ELOVL7: variants seen among roughly 807,000 people sequenced by gnomAD.
ELOVL7 encodes the protein ELOVL fatty acid elongase 7, also known as very long chain fatty acid elongase 7.
Under a neutral mutation model 35.7 loss-of-function variants are expected in ELOVL7, and 27 were observed. That is an observed-to-expected ratio of 0.76 (90% CI 0.56 to 1.04). The LOEUF (loss-of-function observed/expected upper bound fraction) is 1.04. Among genes scored for constraint, ELOVL7 ranks in the 50% least tolerant of loss-of-function variants. ELOVL7 has a pLI of 0.00. For synonymous variants in ELOVL7, 113 were observed against 114.6 expected, an observed-to-expected ratio of 0.99 and a Z score of 0.09; for missense variants, 327 against 340.8, an observed-to-expected ratio of 0.96 and a Z score of 0.32.
At chr5:60,763,624 A>C (rs988308019) in intron 7 of ELOVL7, among the ~76,000 whole-genome samples, 2 of 152,204 alleles carry the variant, frequency 1.3e-5, no homozygotes, top group African/African-American at 4.8e-5. Context: ...TGATGTTCAG[A>C]AGCCTAAAAC....
In ELOVL7 at chr5:60,757,636, C is replaced by G; in HGVS notation, c.509G>C (p.Gly170Ala). Residue 170 changes from glycine to alanine, a missense_variant, in exon 8 of 9, where the codon GGA becomes GCA. By Grantham distance (60) the Gly-to-Ala change is moderately conservative. Coordinates refer to ENST00000508821, the MANE Select transcript of ELOVL7 (RefSeq NM_024930.3). ...FGVKFAAGGL[G>A]TFHALLNTAV... ...TGTATTTAGAAGGGCATGGAATGTTCCCAAACCACCTGGAAAATAAAATTA... is the reference window on the plus strand; with the variant it reads ...TGTATTTAGAAGGGCATGGAATGTTGCCAAACCACCTGGAAAATAAAATTA... 2 of 1,549,936 alleles carry G rather than the reference C, an allele frequency of 1.3e-6. No homozygotes were observed. Among genetic ancestry groups the G allele is most frequent in the Non-Finnish European group, 1.8e-6 (2 of 1,140,142 alleles).
chr5:60,816,213 C>T (rs1233811766), intron 1 of ELOVL7, among the ~76,000 whole-genome samples: 1 of 152,046 alleles, frequency 6.6e-6, no homozygotes, highest in Non-Finnish European at 1.5e-5. Flanking sequence ...ATCCCCATCT[C>T]TACTAAAAGT....
At chr5:60,801,891 G>C (rs1237051884) in intron 1 of ELOVL7, among the ~76,000 whole-genome samples, 1 of 151,560 alleles carries the variant, frequency 6.6e-6, no homozygotes, top group Admixed American at 6.6e-5. Context: ...GCCTCTCAGG[G>C]GCTCTCAGGC....
rs1174383236 is a variant in ELOVL7, at chr5:60,754,783, C to T, written c.687G>A (p.Glu229=). 23 of 1,614,084 alleles carry T rather than the reference C, an allele frequency of 1.4e-5. No individual in the cohort carries two copies. Among genetic ancestry groups the T allele is most frequent in the Non-Finnish European group, 1.9e-5 (23 of 1,180,008 alleles). Residue 229 remains glutamate (E), a synonymous_variant, in exon 9 of 9, where the codon GAG becomes GAA. Transcript: ENST00000508821. ...AGACTGGAAACTGATACTTGCAATC[C>T]TCCATGAAAAAGAACTGGCTTATGT... ...AIHISQFFFM[E]DCKYQFPVFA...
intron 6 of ELOVL7, 30 bp downstream of exon 6, chr5:60,766,544 A>G (rs1561425262): frequency 6.4e-7 from 1 of 1,556,948 alleles, no homozygotes; most frequent in East Asian, 2.3e-5. Flanking sequence ...AAGATCAAAC[A>G]TTTACCAAAT....
chr5:60,838,811 G>A (rs139392063), intron 1 of ELOVL7, among the ~76,000 whole-genome samples: 12,383 of 151,780 alleles, frequency 0.082, 540 homozygotes, highest in Middle Eastern at 0.097. Flanking sequence ...ATCACCTGAG[G>A]TCAGGAATTC....
chr5:60,798,331 C>T (rs932083096), intron 2 of ELOVL7, among the ~76,000 whole-genome samples: 65 of 152,094 alleles, frequency 4.3e-4, no homozygotes, highest in African/African-American at 1.4e-3. Context: ...TCTGCAAGCA[C>T]AAGTGGTCAA....
At chr5:60,759,632 GT>G (rs968668512) in intron 7 of ELOVL7, among the ~76,000 whole-genome samples, 58 of 149,522 alleles carry the variant, frequency 3.9e-4, no homozygotes, top group African/African-American at 1.3e-3. Flanking sequence ...TTTGTCTAAA[GT>G]TTTTTTTATT....
intron 1 of ELOVL7, among the ~76,000 whole-genome samples, chr5:60,801,802 G>A (rs976833302): frequency 2.0e-5 from 3 of 151,998 alleles, no homozygotes; most frequent in African/African-American, 4.8e-5. Context: ...CTTGCAGGAC[G>A]CTTACTCCAT....
intron 1 of ELOVL7, among the ~76,000 whole-genome samples, chr5:60,815,680 G>C (rs747350035): frequency 6.6e-6 from 1 of 152,088 alleles, no homozygotes; most frequent in Non-Finnish European, 1.5e-5. Flanking sequence ...CAATTCTCCT[G>C]CCTCAGCTTC....
intron 2 of ELOVL7, among the ~76,000 whole-genome samples, chr5:60,791,975 CAA>C (rs1743966456): frequency 6.6e-6 from 1 of 152,048 alleles, no homozygotes; most frequent in Admixed American, 6.5e-5. Context: ...CACCGAAGCA[CAA>C]AGACTCAAAG....
At chr5:60,808,020 A>AT in intron 1 of ELOVL7, among the ~76,000 whole-genome samples, 1 of 149,154 alleles carries the variant, frequency 6.7e-6, no homozygotes, top group Non-Finnish European at 1.5e-5. Context: ...AAAAAAAAAA[A>AT]AGAATAAAAT....
chr5:60,834,715 C>G (rs1253547137), intron 1 of ELOVL7, among the ~76,000 whole-genome samples: 1 of 152,110 alleles, frequency 6.6e-6, no homozygotes, highest in Non-Finnish European at 1.5e-5. Flanking sequence ...GTTCTGACTA[C>G]TTACTACACT....
At chr5:60,801,846 C>A (rs1009029305) in intron 1 of ELOVL7, among the ~76,000 whole-genome samples, 1 of 151,946 alleles carries the variant, frequency 6.6e-6, no homozygotes, top group African/African-American at 2.4e-5. Flanking sequence ...ATTCCAGGCT[C>A]TTTGGCCTTT....
At chr5:60,758,148 C>T (rs1208108048) in intron 7 of ELOVL7, among the ~76,000 whole-genome samples, 1 of 152,132 alleles carries the variant, frequency 6.6e-6, no homozygotes, top group Non-Finnish European at 1.5e-5. Context: ...GGTAGCTTTA[C>T]TCTAACTTCT....
intron 8 of ELOVL7, among the ~76,000 whole-genome samples, chr5:60,755,983 CA>C (rs1434454499): frequency 6.6e-6 from 1 of 152,168 alleles, no homozygotes; most frequent in African/African-American, 2.4e-5. Flanking sequence ...TTGTCATCAT[CA>C]ACTTTCCTTG....
rs921389755 is a variant in ELOVL7, at chr5:60,817,199, A to G, written c.-85-17969T>C. 5.3e-5 allele frequency among the ~76,000 whole-genome samples: 8 copies of G among 152,148 alleles called. No homozygotes were observed. In the South Asian group the frequency reaches 1.5e-3, roughly 28 times the overall value. The stretch of plus-strand genomic sequence containing the variant: ...AAACATAAGTATCTCATATCCCAAA[A>G]GGTTACTTTCTCTAATATATAAAGG... On this transcript the variant is annotated intron_variant, in intron 1 of 8. Coordinates refer to ENST00000508821, the MANE Select transcript of ELOVL7 (RefSeq NM_024930.3).
At chr5:60,759,985 T>C (rs1056195518) in intron 7 of ELOVL7, among the ~76,000 whole-genome samples, 4 of 152,258 alleles carry the variant, frequency 2.6e-5, no homozygotes, top group East Asian at 3.8e-4. Context: ...TTTTTATGGC[T>C]GCATAGTATT....
chr5:60,812,069 A>C (rs1368514343), intron 1 of ELOVL7, among the ~76,000 whole-genome samples: 1 of 152,116 alleles, frequency 6.6e-6, no homozygotes, highest in East Asian at 1.9e-4. Context: ...GTTTTTAAAA[A>C]ATTAACTGGG....
Sources: allele counts gnomAD v4.1 joint callset (sites outside exome capture counted in the v4.1 genomes callset), GRCh38; gene constraint gnomAD v4.1.1; transcripts MANE v1.5; gene names NCBI Gene and HGNC (gene_info 2026-07-23, HGNC 2026-07-21).